The following ZSCAN16 variants were observed in gnomAD, a reference collection of about 807,000 sequenced individuals.
ZSCAN16 encodes zinc finger and SCAN domain containing 16.
In ZSCAN16, 15 loss-of-function variants were observed where a neutral mutation model predicts 19.4. The observed-to-expected ratio is 0.77, with a 90% confidence interval of 0.52 to 1.19. The LOEUF (loss-of-function observed/expected upper bound fraction) is 1.19, where lower values mean the gene tolerates loss of function less well. Ranked by LOEUF, ZSCAN16 falls within the 50% of genes most tolerant of loss-of-function variation. ZSCAN16 has a pLI of 0.00. For missense variants in ZSCAN16, 327 were observed against 415.7 expected, an observed-to-expected ratio of 0.79 and a Z score of 1.86; for synonymous variants, 138 against 146.5, an observed-to-expected ratio of 0.94 and a Z score of 0.42.
intron 2 of ZSCAN16, among the ~76,000 whole-genome samples, chr6:28,126,325 A>C (rs1764902086): frequency 6.6e-6 from 1 of 152,208 alleles, no homozygotes; most frequent in South Asian, 2.1e-4. Flanking sequence ...TCATGTAATC[A>C]ATATTTTTAA....
intron 3 of ZSCAN16, among the ~76,000 whole-genome samples, chr6:28,128,579 G>A (rs375293795): frequency 5.9e-5 from 9 of 151,898 alleles, no homozygotes; most frequent in East Asian, 5.8e-4. Flanking sequence ...GCAAAGAAAC[G>A]GTGAAAAAAA....
chr6:28,125,614 A>C lies in ZSCAN16; in HGVS notation c.171A>C (p.Glu57Asp). 6.2e-7 allele frequency: 1 copy of C among 1,614,244 alleles called. No individual in the cohort carries two copies. Among genetic ancestry groups the C allele is most frequent in the Non-Finnish European group, 8.5e-7 (1 of 1,180,042 alleles). ...LCYQDAPGPR[E>D]ALTQLWELCR... ...ATCAGGATGCACCTGGACCCCGTGA[A>C]GCTCTTACCCAGCTGTGGGAGCTCT... The change falls in exon 2 of 4, where the codon GAA (glutamate) becomes GAC (aspartate). Residue 57 changes from glutamate (E) to aspartate (D), a missense_variant. Glu to Asp is a conservative substitution (Grantham distance 45). Coordinates refer to ENST00000340487, the MANE Select transcript of ZSCAN16 (RefSeq NM_025231.3). This position sits in a 1 kb window ranked among gnomAD's most constrained non-coding sequence, Gnocchi z 6.2.
Position 28,126,831 on chromosome 6 carries a change from C to T in ZSCAN16, c.436C>T (p.Pro146Ser). The stretch of plus-strand genomic sequence containing the variant: ...GGACATACTCATGGACAAGTTGGCC[C>T]CCTTGGGAAGGCCATATGAATCACT... ...RRDILMDKLAPLGRPYESLTV... is the reference protein window; with the variant it reads ...RRDILMDKLASLGRPYESLTV... The change falls in exon 3 of 4, where the codon CCC becomes TCC. Residue 146 changes from proline to serine, a missense_variant. Physicochemically the swap from Pro to Ser is moderately conservative, Grantham distance 74. Transcript: ENST00000340487. 1 of 1,587,170 alleles carries T rather than the reference C, an allele frequency of 6.3e-7. No homozygotes were observed. The highest frequency in any genetic ancestry group is 8.6e-7 in the Non-Finnish European group (1 of 1,162,356).
Position 28,125,296 on chromosome 6 carries a change from T to C in ZSCAN16, c.-31-117T>C. ...ATTGACTTCTGGTGGCTTGGCTTCA[T>C]TATGATGTGTTTATGTTCACAGAAA... On this transcript the variant is annotated intron_variant, in intron 1 of 3. Transcript: ENST00000340487. The surrounding 1 kb of genome is among the most constrained non-coding windows in gnomAD (Gnocchi z 6.2). 1 of 1,232,890 alleles carries C rather than the reference T, an allele frequency of 8.1e-7. No individual in the cohort carries two copies. The highest frequency in any genetic ancestry group is 1.1e-6 in the Non-Finnish European group (1 of 915,444). 76.4% of individuals were successfully genotyped at this position (1,232,890 alleles called of 1,614,324 possible). A position where few individuals can be genotyped will look rare whatever the true frequency, so the allele number is the denominator to read the frequency against.
At position 28,125,421 on chromosome 6, in the gene ZSCAN16, TA is replaced by T; in HGVS notation, c.-20del. ...CTTTGACTCAATCCCAGATAGAGGA[TA>T]AATCTCCTGGCAAAGCCCAGAATGA... On this transcript the variant is annotated 5_prime_UTR_variant, in exon 2 of 4. Coordinates refer to ENST00000340487, the MANE Select transcript of ZSCAN16 (RefSeq NM_025231.3). The surrounding 1 kb of genome is among the most constrained non-coding windows in gnomAD (Gnocchi z 6.2). 14 of 1,598,596 alleles carry T rather than the reference TA, an allele frequency of 8.8e-6. No homozygotes were observed. The highest frequency in any genetic ancestry group is 1.2e-5 in the Non-Finnish European group (14 of 1,172,952).
At position 28,125,732 on chromosome 6, in the gene ZSCAN16, C is replaced by T; in HGVS notation, c.289C>T (p.Leu97=). ...EQFLSILPKD[L]QAWVRAHHPE... ...GTTCCTGAGCATTCTTCCTAAAGAC[C>T]TGCAAGCATGGGTGCGTGCACACCA... is the stretch of plus-strand genomic sequence containing the variant. Residue 97 remains leucine (L), a synonymous_variant, in exon 2 of 4, where the codon CTG becomes TTG. Coordinates refer to ENST00000340487, the MANE Select transcript of ZSCAN16 (RefSeq NM_025231.3). The surrounding 1 kb of genome is among the most constrained non-coding windows in gnomAD (Gnocchi z 6.2). The T allele has an allele frequency of 6.2e-7, 1 of 1,614,206 alleles. No homozygotes were observed. Among genetic ancestry groups the T allele is most frequent in the African/African-American group, 1.3e-5 (1 of 75,062 alleles).
chr6:28,125,537 T>C lies in ZSCAN16; in HGVS notation c.94T>C (p.Cys32Arg), dbSNP rs749600654. Residue 32 changes from cysteine (C) to arginine (R), a missense_variant, in exon 2 of 4, where the codon TGC becomes CGC. Cys to Arg is a radical substitution (Grantham distance 180). Coordinates refer to ENST00000340487, the MANE Select transcript of ZSCAN16 (RefSeq NM_025231.3). The surrounding 1 kb of genome is among the most constrained non-coding windows in gnomAD (Gnocchi z 6.2). The stretch of plus-strand genomic sequence containing the variant: ...GGGACAGGATTCCAGCTCACAAAAG[T>C]GCAGTCCTCACAGGAGGGAACTCTA... ...YWGQDSSSQKCSPHRRELYRQ... is the reference protein window; with the variant it reads ...YWGQDSSSQKRSPHRRELYRQ... 5.6e-6 allele frequency: 9 copies of C among 1,614,164 alleles called. No individual in the cohort carries two copies. Among genetic ancestry groups the C allele is most frequent in the Non-Finnish European group, 7.6e-6 (9 of 1,180,016 alleles).
Position 28,124,616 on chromosome 6 carries a change from G to A in ZSCAN16, c.-93G>A, listed in dbSNP as rs1198048682. On this transcript the variant is annotated 5_prime_UTR_variant, in exon 1 of 4. Transcript: ENST00000340487. ...GCGCCGATTGGTGTCTTTGAGTCTA[G>A]TCTTTGTTCGGGGCTGTCCAAAGGA... is the stretch of plus-strand genomic sequence containing the variant. 6.6e-6 allele frequency: 1 copy of A among 152,252 alleles called. No homozygotes were observed. The highest frequency in any genetic ancestry group is 1.5e-5 in the Non-Finnish European group (1 of 68,068). 9.4% of individuals were successfully genotyped at this position (152,252 alleles called of 1,614,324 possible). A position where few individuals can be genotyped will look rare whatever the true frequency, so the allele number is the denominator to read the frequency against.
chr6:28,126,878 A>G lies in ZSCAN16; in HGVS notation c.483A>G (p.Lys161=), dbSNP rs755780321. 2.5e-6 allele frequency: 4 copies of G among 1,584,578 alleles called. No individual in the cohort carries two copies. The highest frequency in any genetic ancestry group is 3.4e-5 in the Admixed American group (2 of 58,524). Residue 161 remains lysine, a synonymous_variant, in exon 3 of 4, where the codon AAA becomes AAG. Transcript: ENST00000340487. ...YESLTVQLHP[K]KTQLEQEAGK... The stretch of plus-strand genomic sequence containing the variant: ...CACTGACTGTCCAGCTCCATCCCAA[A>G]AAGACCCAGCTGGAGCAGGAAGCTG...
chr6:28,128,054 T>C (rs1490447017), intron 3 of ZSCAN16, among the ~76,000 whole-genome samples: 2 of 152,238 alleles, frequency 1.3e-5, no homozygotes, highest in Non-Finnish European at 1.5e-5. Flanking sequence ...AAGAAGCCTT[T>C]CAGTGCTTTA....
In ZSCAN16 at chr6:28,129,732, T is replaced by C. The variant is rs189210919; in HGVS notation, c.829T>C (p.Ser277Pro). 21 of 1,614,110 alleles carry C rather than the reference T, an allele frequency of 1.3e-5. No homozygotes were observed. The East Asian group carries it at 4.7e-4, about 36-fold the overall frequency. Residue 277 changes from serine (S) to proline (P), a missense_variant, in exon 4 of 4, where the codon TCA (serine) becomes CCA (proline). By Grantham distance (74) the Ser-to-Pro change is moderately conservative (BLOSUM62 -1). Transcript: ENST00000340487. ...DECGKAFIQRSHLIGHHRVHT... is the reference protein window; with the variant it reads ...DECGKAFIQRPHLIGHHRVHT... Reference sequence around the variant, plus strand: ...GTGTGGAAAAGCCTTCATTCAGCGCTCACATCTCATTGGACATCATAGAGT... The same window carrying C: ...GTGTGGAAAAGCCTTCATTCAGCGCCCACATCTCATTGGACATCATAGAGT...
At chr6:28,126,676 A>T in intron 2 of ZSCAN16, 107 bp from the exon 3 acceptor site, 1 of 866,610 alleles carries the variant, frequency 1.2e-6, no homozygotes, top group South Asian at 3.6e-5. Context: ...ATGAAATGAG[A>T]ATTTGTCCCC....
In ZSCAN16 at chr6:28,129,744, G is replaced by C. The variant is rs1765005841; in HGVS notation, c.841G>C (p.Gly281Arg). Reference protein sequence around the residue: ...KAFIQRSHLIGHHRVHTGVKP... With the variant: ...KAFIQRSHLIRHHRVHTGVKP... ...CTTCATTCAGCGCTCACATCTCATTGGACATCATAGAGTACACACGGGAGT... is the reference window on the plus strand; with the variant it reads ...CTTCATTCAGCGCTCACATCTCATTCGACATCATAGAGTACACACGGGAGT... Residue 281 changes from glycine (G) to arginine (R), a missense_variant, in exon 4 of 4, where the codon GGA becomes CGA. Coordinates refer to ENST00000340487, the MANE Select transcript of ZSCAN16 (RefSeq NM_025231.3). 1.2e-6 allele frequency: 2 copies of C among 1,614,046 alleles called. No individual in the cohort carries two copies. The highest frequency in any genetic ancestry group is 4.5e-5 in the East Asian group (2 of 44,886).
In ZSCAN16 at chr6:28,125,425, TCTC is replaced by T; in HGVS notation, c.-16_-14del. The T allele has an allele frequency of 6.2e-7, 1 of 1,600,176 alleles. No homozygotes were observed. Among genetic ancestry groups the T allele is most frequent in the African/African-American group, 1.3e-5 (1 of 74,472 alleles). On this transcript the variant is annotated 5_prime_UTR_variant, in exon 2 of 4. Transcript: ENST00000340487. This position sits in a 1 kb window ranked among gnomAD's most constrained non-coding sequence, Gnocchi z 6.2. Reference sequence around the variant, plus strand: ...GACTCAATCCCAGATAGAGGATAAATCTCCTGGCAAAGCCCAGAATGACCACAG... The same window carrying T: ...GACTCAATCCCAGATAGAGGATAAATCTGGCAAAGCCCAGAATGACCACAG...
chr6:28,125,642 C>G lies in ZSCAN16; in HGVS notation c.199C>G (p.Arg67Gly). ...EALTQLWELC[R>G]QWLRPECHTK... ...TCTTACCCAGCTGTGGGAGCTCTGC[C>G]GTCAGTGGCTGAGGCCAGAATGCCA... Residue 67 changes from arginine (R) to glycine (G), a missense_variant, in exon 2 of 4, where the codon CGT becomes GGT. Transcript: ENST00000340487. The surrounding 1 kb of genome is among the most constrained non-coding windows in gnomAD (Gnocchi z 6.2). The G allele has an allele frequency of 1.2e-6, 2 of 1,614,230 alleles. No individual in the cohort carries two copies. Among genetic ancestry groups the G allele is most frequent in the Non-Finnish European group, 1.7e-6 (2 of 1,180,046 alleles).
rs199541580 is a variant in ZSCAN16 at position 28,125,649 on chromosome 6, G to A, written c.206G>A (p.Trp69Ter). The A allele has an allele frequency of 6.2e-7, 1 of 1,614,258 alleles. No individual in the cohort carries two copies. The highest frequency in any genetic ancestry group is 8.5e-7 in the Non-Finnish European group (1 of 1,180,050). ...LTQLWELCRQ[W>*]LRPECHTKEQ... ...CAGCTGTGGGAGCTCTGCCGTCAGT[G>A]GCTGAGGCCAGAATGCCACACCAAG... is the stretch of plus-strand genomic sequence containing the variant. Residue 69 changes from tryptophan (W) to a stop codon, truncating the protein, a stop_gained, in exon 2 of 4, where the codon TGG becomes TAG. Coordinates refer to ENST00000340487, the MANE Select transcript of ZSCAN16 (RefSeq NM_025231.3). LOFTEE classifies it high-confidence loss of function. The surrounding 1 kb of genome is among the most constrained non-coding windows in gnomAD (Gnocchi z 6.2).
Position 28,130,005 on chromosome 6 carries a change from GA to G in ZSCAN16, c.*57del, listed in dbSNP as rs1765018066. ...CACTCAGGCCTAACTAGTTATCAAA[GA>G]ATCTATTTTAGAAACCTTGAGTTTC... On this transcript the variant is annotated 3_prime_UTR_variant, in exon 4 of 4. Transcript: ENST00000340487. 2 of 1,409,328 alleles carry G rather than the reference GA, an allele frequency of 1.4e-6. No homozygotes were observed. Among genetic ancestry groups the G allele is most frequent in the Non-Finnish European group, 1.9e-6 (2 of 1,046,284 alleles). 87.3% of individuals were successfully genotyped at this position (1,409,328 alleles called of 1,614,324 possible).
Position 28,129,944 on chromosome 6 carries a change from C to T in ZSCAN16, c.1041C>T (p.Leu347=), listed in dbSNP as rs1477908378. ...RHQRIHTANK[L]Y is the part of the protein sequence containing the mutation. ...AAAGAATTCATACCGCAAATAAACT[C>T]TACTAATATAGCAGTAATATCAAAA... Residue 347 remains leucine (L), a synonymous_variant, in exon 4 of 4, where the codon CTC becomes CTT. Coordinates refer to ENST00000340487, the MANE Select transcript of ZSCAN16 (RefSeq NM_025231.3). The T allele has an allele frequency of 6.4e-7, 1 of 1,574,786 alleles. No individual in the cohort carries two copies. Among genetic ancestry groups the T allele is most frequent in the East Asian group, 2.2e-5 (1 of 44,554 alleles).
chr6:28,129,389 CAT>C, intron 3 of ZSCAN16, 39 bp from the exon 4 acceptor site: 1 of 1,537,074 alleles, frequency 6.5e-7, no homozygotes, highest in Non-Finnish European at 8.7e-7. Context: ...GCTTCTCAAA[CAT>C]AGAATAGGAC....
Sources: gnomAD v4.1 joint callset for allele counts (sites outside exome capture counted in the v4.1 genomes callset) on GRCh38, gnomAD v4.1.1 for gene constraint, Gnocchi (gnomAD v3.1) non-coding constraint, MANE v1.5 for transcripts, NCBI Gene and HGNC (gene_info 2026-07-23, HGNC 2026-07-21) for gene names.